The following VAV1 variants were observed in gnomAD, a reference collection of about 807,000 sequenced individuals.
The protein encoded by VAV1 is vav guanine nucleotide exchange factor 1.
Under a neutral mutation model 128.1 loss-of-function variants are expected in VAV1, and 33 were observed. That is an observed-to-expected ratio of 0.26 (90% CI 0.20 to 0.34). The LOEUF (loss-of-function observed/expected upper bound fraction) is 0.34. VAV1 is among the 10% of genes least tolerant of loss of function. VAV1 has a pLI of 1.00. For missense variants in VAV1, 715 were observed against 1,093.7 expected, an observed-to-expected ratio of 0.65 and a Z score of 4.88; for synonymous variants, 394 against 409.8, an observed-to-expected ratio of 0.96 and a Z score of 0.47.
intron 1 of VAV1, among the ~76,000 whole-genome samples, chr19:6,773,434 G>A (rs956943501): frequency 3.3e-5 from 5 of 152,118 alleles, no homozygotes; most frequent in African/African-American, 1.2e-4. Context: ...AGGAGCCTCC[G>A]CCAACATCTT....
chr19:6,814,285 G>A (rs1971574660), intron 1 of VAV1, among the ~76,000 whole-genome samples: 1 of 152,078 alleles, frequency 6.6e-6, no homozygotes, highest in Non-Finnish European at 1.5e-5. Flanking sequence ...AGCAACTGTG[G>A]ACACTTGTGC....
At chr19:6,850,221 C>CTTTT (rs1972632188) in intron 23 of VAV1, among the ~76,000 whole-genome samples, 1 of 52,946 alleles carries the variant, frequency 1.9e-5, no homozygotes, top group Non-Finnish European at 3.7e-5. Context: ...TTGTTTGTTT[C>CTTTT]TTTGTTTTTT....
At chr19:6,808,653 T>A (rs904856622) in intron 1 of VAV1, among the ~76,000 whole-genome samples, 4 of 152,192 alleles carry the variant, frequency 2.6e-5, no homozygotes, top group Non-Finnish European at 5.9e-5. Flanking sequence ...GGGGCTAGAA[T>A]GTTCCTCCCT....
At chr19:6,803,645 A>G (rs1971321165) in intron 1 of VAV1, among the ~76,000 whole-genome samples, 1 of 151,698 alleles carries the variant, frequency 6.6e-6, no homozygotes, top group South Asian at 2.1e-4. Context: ...GCTCACTGCA[A>G]CCTCTGCTTC....
rs371416224 is a variant in VAV1 at position 6,839,217 on chromosome 19, G to A, written c.1980+2167G>A. 3.6e-3 allele frequency among the ~76,000 whole-genome samples: 527 copies of A among 148,446 alleles called. 1 individual carries two copies. Among genetic ancestry groups the A allele is most frequent in the Middle Eastern group, 0.018 (5 of 280 alleles). On this transcript the variant is annotated intron_variant, in intron 21 of 26. Coordinates refer to ENST00000602142, the MANE Select transcript of VAV1 (RefSeq NM_005428.4). ...CACCCAGCCGCAGCTGTTTTTTTGT[G>A]TGTGATTTTTTTTTTTTTTAGAGAT...
intron 24 of VAV1, among the ~76,000 whole-genome samples, chr19:6,851,987 G>C (rs1306631067): frequency 1.3e-5 from 2 of 152,094 alleles, no homozygotes; most frequent in Admixed American, 1.3e-4. Context: ...AGGGTAGTGA[G>C]TATCTATGAA....
At chr19:6,802,586 A>G (rs1971299691) in intron 1 of VAV1, among the ~76,000 whole-genome samples, 1 of 152,148 alleles carries the variant, frequency 6.6e-6, no homozygotes, top group African/African-American at 2.4e-5. Flanking sequence ...CCCTGAGGTC[A>G]GGAGGGAACT....
intron 23 of VAV1, among the ~76,000 whole-genome samples, chr19:6,848,774 A>AT (rs1211776417): frequency 6.7e-6 from 1 of 149,664 alleles, no homozygotes; most frequent in Non-Finnish European, 1.5e-5. Context: ...GGAATTTCTA[A>AT]TTTTTTTAAT....
At chr19:6,797,473 C>A (rs983335406) in intron 1 of VAV1, among the ~76,000 whole-genome samples, 18 of 152,064 alleles carry the variant, frequency 1.2e-4, no homozygotes, top group African/African-American at 4.3e-4. Flanking sequence ...GAGGCCAAGG[C>A]GGGCGGATCA....
intron 1 of VAV1, among the ~76,000 whole-genome samples, chr19:6,793,140 C>T (rs1412992363): frequency 6.6e-6 from 1 of 152,122 alleles, no homozygotes; most frequent in African/African-American, 2.4e-5. Context: ...CAAGACCATC[C>T]TGGCTAACAC....
intron 1 of VAV1, among the ~76,000 whole-genome samples, chr19:6,774,821 C>A (rs1264238500): frequency 1.3e-5 from 2 of 151,792 alleles, no homozygotes; most frequent in Non-Finnish European, 2.9e-5. Context: ...GTGGTGCAAT[C>A]TTGGCTCACT....
chr19:6,786,961 T>C (rs996324163), intron 1 of VAV1, among the ~76,000 whole-genome samples: 5 of 152,094 alleles, frequency 3.3e-5, no homozygotes, highest in African/African-American at 1.2e-4. Context: ...CTTACTGCCT[T>C]ATTTTGAAAA....
At chr19:6,795,594 C>T (rs191361542) in intron 1 of VAV1, among the ~76,000 whole-genome samples, 153 of 152,124 alleles carry the variant, frequency 1.0e-3, no homozygotes, top group African/African-American at 3.6e-3. Context: ...TGATACGTAA[C>T]GGTTTACTAT....
In VAV1 at chr19:6,774,497, C is replaced by T. The variant is rs1244606733; in HGVS notation, c.204+1486C>T. Reference sequence around the variant, plus strand: ...GTCGCCCAGGCTGGAGGCAGTGGTGCGATCTCAGCTCACTGCAACCTTAGC... The same window carrying T: ...GTCGCCCAGGCTGGAGGCAGTGGTGTGATCTCAGCTCACTGCAACCTTAGC... On this transcript the variant is annotated intron_variant, in intron 1 of 26. Coordinates refer to ENST00000602142, the MANE Select transcript of VAV1 (RefSeq NM_005428.4). 5.2e-5 allele frequency among the ~76,000 whole-genome samples: 7 copies of T among 134,382 alleles called. No homozygotes were observed. The South Asian group carries it at 1.2e-3, about 24-fold the overall frequency. 88.2% of individuals were successfully genotyped at this position (134,382 alleles called of 152,430 possible).
chr19:6,836,067 T>A (rs1972215352), intron 19 of VAV1: 1 of 175,166 alleles, frequency 5.7e-6, no homozygotes, highest in African/African-American at 2.4e-5. Flanking sequence ...AGAGATGGGG[T>A]TTCACCATGT....
chr19:6,854,911 C>T (rs1238983123), intron 26 of VAV1, among the ~76,000 whole-genome samples: 23 of 152,112 alleles, frequency 1.5e-4, no homozygotes, highest in Admixed American at 1.5e-3. Context: ...ACAGAAGGAC[C>T]AGTGTGTGCA....
Position 6,832,158 on chromosome 19 carries a change from G to T in VAV1, c.1466G>T (p.Arg489Ile). Residue 489 changes from arginine to isoleucine, a missense_variant, in exon 15 of 27, where the codon AGA becomes ATA. Coordinates refer to ENST00000602142, the MANE Select transcript of VAV1 (RefSeq NM_005428.4). ...AQGYELFFKT[R>I]ELKKKWMEQF... ...GGCTATGAGCTGTTCTTCAAGACAA[G>T]AGAATTGAAGAAGAAGTGGATGGAG... The T allele has an allele frequency of 6.2e-7, 1 of 1,614,058 alleles. No individual in the cohort carries two copies. Among genetic ancestry groups the T allele is most frequent in the East Asian group, 2.2e-5 (1 of 44,888 alleles).
intron 14 of VAV1, among the ~76,000 whole-genome samples, chr19:6,830,441 TGTTTGTTG>T (rs1318680216): frequency 6.6e-6 from 1 of 151,976 alleles, no homozygotes; most frequent in Non-Finnish European, 1.5e-5. Context: ...TCATTTTGTT[TGTTTGTTG>T]GTTTGTTTTT....
Position 6,822,135 on chromosome 19 carries a change from G to T in VAV1, c.450-86G>T. The stretch of plus-strand genomic sequence containing the variant: ...TGAGGTCCCACCCTTGGAGTCTTGG[G>T]GGGACAAAGCCCTGCGCTGGGGTCT... On this transcript the variant is annotated intron_variant, in intron 4 of 26. Coordinates refer to ENST00000602142, the MANE Select transcript of VAV1 (RefSeq NM_005428.4). This position sits in a 1 kb window ranked among gnomAD's most constrained non-coding sequence, Gnocchi z 5.9. 7.4e-7 allele frequency: 1 copy of T among 1,354,566 alleles called. No individual in the cohort carries two copies. Among genetic ancestry groups the T allele is most frequent in the Non-Finnish European group, 1.0e-6 (1 of 975,094 alleles). 83.9% of individuals were successfully genotyped at this position (1,354,566 alleles called of 1,614,324 possible).
Sources: allele counts gnomAD v4.1 joint callset (sites outside exome capture counted in the v4.1 genomes callset), GRCh38; gene constraint gnomAD v4.1.1; non-coding constraint Gnocchi (gnomAD v3.1); transcripts MANE v1.5; gene names NCBI Gene and HGNC (gene_info 2026-07-23, HGNC 2026-07-21).